Variants in LANCL2 observed in about 807,000 individuals in gnomAD.
LANCL2 encodes LanC like glutathione S-transferase 2.
LANCL2 carries 33 observed loss-of-function variants against 56.9 expected under a neutral mutation model. The observed-to-expected ratio is 0.58, with a 90% CI of 0.44 to 0.78. LANCL2 has a LOEUF of 0.78. Among genes scored for constraint, LANCL2 ranks in the 30% least tolerant of loss-of-function variants. The pLI is 0.00. For missense variants in LANCL2, 562 were observed against 580.2 expected, an observed-to-expected ratio of 0.97 and a Z score of 0.32; for synonymous variants, 233 against 228.2, an observed-to-expected ratio of 1.02 and a Z score of -0.19.
intron 1 of LANCL2, among the ~76,000 whole-genome samples, chr7:55,372,384 C>T (rs1282333742): frequency 2.0e-5 from 3 of 152,166 alleles, no homozygotes; most frequent in Non-Finnish European, 1.5e-5. Flanking sequence ...GTTATTTAAC[C>T]ACACACTGAA....
rs765093471 is a variant in LANCL2, at chr7:55,366,145, C to T, written c.120C>T (p.Ala40=). 5.2e-6 allele frequency: 8 copies of T among 1,551,638 alleles called. No individual in the cohort carries two copies. The highest frequency in any genetic ancestry group is 3.6e-5 in the South Asian group (3 of 84,058). The change falls in exon 1 of 9, where the codon GCC becomes GCT. Residue 40 remains alanine, a synonymous_variant. Transcript: ENST00000254770. ...AGGCCGCCGCCGGGGCGCTGCTCGC[C>T]TCCGGAGCGGCCGAAGAGACAGGCT... ...DYEAAAGALL[A]SGAAEETGCV...
rs148495849 is a variant in LANCL2, at chr7:55,390,199, A to T, written c.205-1594A>T. Among the ~76,000 whole-genome samples the T allele has an allele frequency of 1.6e-4, 24 of 151,608 alleles. No homozygotes were observed. The East Asian group carries it at 3.1e-3, about 20-fold the overall frequency. ...GCCATTAATTTGCCTATGCTTAATAACAGAACTTCCAAATATATGAAAGCA... is the reference window on the plus strand; with the variant it reads ...GCCATTAATTTGCCTATGCTTAATATCAGAACTTCCAAATATATGAAAGCA... On this transcript the variant is annotated intron_variant, in intron 1 of 8. Coordinates refer to ENST00000254770, the MANE Select transcript of LANCL2 (RefSeq NM_018697.4).
intron 5 of LANCL2, among the ~76,000 whole-genome samples, chr7:55,404,380 T>C (rs1242783062): frequency 1.3e-5 from 2 of 152,228 alleles, no homozygotes; most frequent in African/African-American, 2.4e-5. Flanking sequence ...TCAAAGGATA[T>C]GGATTAGAAT....
At chr7:55,412,654 A>G (rs754221688) in intron 6 of LANCL2, among the ~76,000 whole-genome samples, 6 of 152,180 alleles carry the variant, frequency 3.9e-5, no homozygotes, top group Non-Finnish European at 8.8e-5. Flanking sequence ...AGCGCTATTG[A>G]TTTCTGTCCT....
chr7:55,412,482 GATT>G (rs1790482471), intron 6 of LANCL2, among the ~76,000 whole-genome samples: 1 of 152,136 alleles, frequency 6.6e-6, no homozygotes, highest in African/African-American at 2.4e-5. Context: ...TTTATTGCTG[GATT>G]ATGATTGTCC....
At chr7:55,418,706 C>T (rs1365653174) in intron 6 of LANCL2, among the ~76,000 whole-genome samples, 2 of 140,406 alleles carry the variant, frequency 1.4e-5, no homozygotes, top group Non-Finnish European at 3.1e-5. Context: ...GACATCTTTG[C>T]TTTATTCACA....
chr7:55,388,052 C>T (rs771841395), intron 1 of LANCL2, among the ~76,000 whole-genome samples: 1 of 152,194 alleles, frequency 6.6e-6, no homozygotes, highest in Non-Finnish European at 1.5e-5. Context: ...TTCTACATAA[C>T]TCTACATTGT....
intron 1 of LANCL2, among the ~76,000 whole-genome samples, chr7:55,380,853 G>C (rs1790059519): frequency 6.7e-6 from 1 of 149,896 alleles, no homozygotes; most frequent in South Asian, 2.1e-4. Flanking sequence ...TGCATGATCA[G>C]AGGAGGAGTG....
In LANCL2 at chr7:55,398,429, C is replaced by A. The variant is rs755414813; in HGVS notation, c.329C>A (p.Ala110Asp). Reference sequence around the variant, plus strand: ...GGGTGGGAAATTATTCCAGGCATAGCCCTTTTGTACCTGCAGTTGTACCGG... The same window carrying A: ...GGGTGGGAAATTATTCCAGGCATAGACCTTTTGTACCTGCAGTTGTACCGG... ...CSAYTGWTGIALLYLQLYRVT... is the reference protein window; with the variant it reads ...CSAYTGWTGIDLLYLQLYRVT... Residue 110 changes from alanine to aspartate, a missense_variant, in exon 3 of 9, where the codon GCC (alanine) becomes GAC (aspartate). Ala to Asp is a moderately radical substitution (Grantham distance 126). Around this residue, in one of 2 missense-constraint regions of LANCL2, gnomAD observed 378 missense variants for 468.4 expected, o/e 0.81. Transcript: ENST00000254770. 6.2e-7 allele frequency: 1 copy of A among 1,612,806 alleles called. No individual in the cohort carries two copies. Among genetic ancestry groups the A allele is most frequent in the Admixed American group, 1.7e-5 (1 of 60,020 alleles).
chr7:55,374,422 C>T (rs1355467605), intron 1 of LANCL2, among the ~76,000 whole-genome samples: 2 of 152,182 alleles, frequency 1.3e-5, no homozygotes, highest in Non-Finnish European at 2.9e-5. Flanking sequence ...TCAAACACCT[C>T]TGCAAAATAG....
At position 55,402,555 on chromosome 7, in the gene LANCL2, G is replaced by A. The variant is rs1166680782; in HGVS notation, c.825+1235G>A. Among the ~76,000 whole-genome samples, 48 of 127,384 alleles carry A rather than the reference G, an allele frequency of 3.8e-4. No homozygotes were observed. In the South Asian group the frequency reaches 0.011, roughly 30 times the overall value. 83.6% of individuals were successfully genotyped at this position (127,384 alleles called of 152,430 possible). ...GGGGCGGCTTGCCGGGCGGGGGGCT[G>A]ACCCCCCCACATCCTTCCCGGACGG... On this transcript the variant is annotated intron_variant, in intron 5 of 8. Coordinates refer to ENST00000254770, the MANE Select transcript of LANCL2 (RefSeq NM_018697.4).
At position 55,428,433 on chromosome 7, in the gene LANCL2, A is replaced by G; in HGVS notation, c.1244A>G (p.Tyr415Cys). ...AHGCRIPDRP[Y>C]SLFEGMAGAI... is the part of the protein sequence containing the mutation. Reference sequence around the variant, plus strand: ...GGGTGCCGCATTCCTGACAGACCCTATTCGCTCTTTGAAGGTAAGAGTGAG... The same window carrying G: ...GGGTGCCGCATTCCTGACAGACCCTGTTCGCTCTTTGAAGGTAAGAGTGAG... The change falls in exon 8 of 9, where the codon TAT (tyrosine) becomes TGT (cysteine). Residue 415 changes from tyrosine to cysteine, a missense_variant. Tyr to Cys is a radical substitution (Grantham distance 194, BLOSUM62 -2). Coordinates refer to ENST00000254770, the MANE Select transcript of LANCL2 (RefSeq NM_018697.4). The G allele has an allele frequency of 2.5e-6, 4 of 1,614,044 alleles. No homozygotes were observed. The highest frequency in any genetic ancestry group is 1.7e-5 in the Admixed American group (1 of 60,026).
chr7:55,366,762 C>A (rs994354133), intron 1 of LANCL2, among the ~76,000 whole-genome samples: 1 of 152,186 alleles, frequency 6.6e-6, no homozygotes, highest in African/African-American at 2.4e-5. Flanking sequence ...GTTACATTGA[C>A]ATAAAACAGA....
intron 2 of LANCL2, among the ~76,000 whole-genome samples, chr7:55,392,837 A>G (rs1280245413): frequency 6.6e-6 from 1 of 151,964 alleles, no homozygotes; most frequent in Non-Finnish European, 1.5e-5. Context: ...TTAAGAGCAA[A>G]CTTTCCCTAG....
In LANCL2 at chr7:55,403,554, T is replaced by G. The variant is rs186971684; in HGVS notation, c.825+2234T>G. ...TGTTCCCCACACTTTTCTGGGTTTT[T>G]TTTGTTTGTTTGTTGTTTTTTTTTT... On this transcript the variant is annotated intron_variant, in intron 5 of 8. Coordinates refer to ENST00000254770, the MANE Select transcript of LANCL2 (RefSeq NM_018697.4). 1.1e-4 allele frequency among the ~76,000 whole-genome samples: 16 copies of G among 150,062 alleles called. No individual in the cohort carries two copies. In the East Asian group the frequency reaches 1.4e-3, roughly 13 times the overall value.
chr7:55,382,510 T>G (rs1790080721), intron 1 of LANCL2, among the ~76,000 whole-genome samples: 1 of 152,184 alleles, frequency 6.6e-6, no homozygotes, highest in Non-Finnish European at 1.5e-5. Flanking sequence ...CGGAGTTTTT[T>G]TACTCAAATC....
At chr7:55,383,792 A>G (rs1589893) in intron 1 of LANCL2, among the ~76,000 whole-genome samples, 152,052 of 152,324 alleles carry the variant, frequency 1, 75,890 homozygotes, top group Middle Eastern at 1. Context: ...AGCCCAGATA[A>G]TGCCACTGCA....
At chr7:55,391,936 G>A (rs1790196161) in intron 2 of LANCL2, 26 bp downstream of exon 2, 1 of 1,180,042 alleles carries the variant, frequency 8.5e-7, no homozygotes, top group Non-Finnish European at 1.3e-6. Flanking sequence ...CTAAATCACT[G>A]ATACATTTTA....
In LANCL2 at chr7:55,365,764, G is replaced by A. The variant is rs1789851756; in HGVS notation, c.-262G>A. On this transcript the variant is annotated 5_prime_UTR_variant, in exon 1 of 9. Transcript: ENST00000254770. The stretch of plus-strand genomic sequence containing the variant: ...AGCCGCTGGGCGCTCCCGCGAGCCC[G>A]CTCCTCTCCGTCGGGAGCAGGGCAA... The A allele has an allele frequency of 5.7e-6, 2 of 351,858 alleles. No individual in the cohort carries two copies. Among genetic ancestry groups the A allele is most frequent in the Non-Finnish European group, 1.0e-5 (2 of 195,694 alleles). The allele number at this position is 351,858 out of a possible 1,614,324, so 21.8% of individuals were successfully genotyped here.
Sources: gnomAD v4.1 joint callset for allele counts (sites outside exome capture counted in the v4.1 genomes callset) on GRCh38, gnomAD v4.1.1 for gene constraint, gnomAD v4.1.1 regional missense constraint, MANE v1.5 for transcripts, NCBI Gene and HGNC (gene_info 2026-07-23, HGNC 2026-07-21) for gene names.